Variants in ABCC4 observed in about 807,000 individuals in gnomAD.
The protein encoded by ABCC4 is ATP-binding cassette sub-family C member 4.
A neutral mutation model predicts 168.5 loss-of-function variants in ABCC4; 102 were observed. That is an observed-to-expected ratio of 0.61 (90% CI 0.52 to 0.71). The LOEUF is 0.71. Ranked by LOEUF, ABCC4 falls within the 30% of genes least tolerant of loss-of-function variation. The pLI, the probability that ABCC4 is intolerant of heterozygous loss-of-function variation, is 0.00. For synonymous variants in ABCC4, 617 were observed against 590.7 expected (o/e 1.04, Z -0.65); for missense variants, 1,402 against 1,605.8 (o/e 0.87, Z 2.17).
At chr13:95,051,544 T>A (rs897646353) in intron 27 of ABCC4, among the ~76,000 whole-genome samples, 1 of 152,160 alleles carries the variant, frequency 6.6e-6, no homozygotes, top group Non-Finnish European at 1.5e-5. Context: ...AATTCTTTTT[T>A]TTTTTTTATT....
intron 1 of ABCC4, 126 bp from the exon 2 acceptor site, chr13:95,247,879 T>C (rs2040149272): frequency 1.7e-6 from 1 of 602,844 alleles, no homozygotes; most frequent in Non-Finnish European, 2.9e-6. Context: ...GACAGACAGA[T>C]ATGAATATAT....
At chr13:95,081,563 C>T (rs2034096932) in intron 21 of ABCC4, among the ~76,000 whole-genome samples, 1 of 152,196 alleles carries the variant, frequency 6.6e-6, no homozygotes, top group Non-Finnish European at 1.5e-5. Context: ...GACTCCACTG[C>T]TCGGCCTGCC....
At chr13:95,032,965 CTTTTT>C (rs74329595) in intron 30 of ABCC4, among the ~76,000 whole-genome samples, 1 of 86,238 alleles carries the variant, frequency 1.2e-5, no homozygotes, top group Non-Finnish European at 2.2e-5. Flanking sequence ...CACGCCTGGT[CTTTTT>C]TTTTTTTTTT....
chr13:95,211,866 A>G (rs951760709), intron 4 of ABCC4, among the ~76,000 whole-genome samples: 4 of 152,100 alleles, frequency 2.6e-5, no homozygotes, highest in Admixed American at 6.6e-5. Context: ...AGGGCCAGAT[A>G]GAAGTGAAAA....
At chr13:95,223,028 A>T (rs2039349330) in intron 4 of ABCC4, among the ~76,000 whole-genome samples, 1 of 152,156 alleles carries the variant, frequency 6.6e-6, no homozygotes, top group Admixed American at 6.5e-5. Context: ...CCCAAGAAAA[A>T]ACAAGCACTA....
intron 4 of ABCC4, among the ~76,000 whole-genome samples, chr13:95,224,031 A>C (rs2039382484): frequency 6.6e-6 from 1 of 152,156 alleles, no homozygotes; most frequent in African/African-American, 2.4e-5. Flanking sequence ...GTCAAAAAAA[A>C]CTTAAGATAT....
At chr13:95,091,623 C>T (rs1729774) in intron 20 of ABCC4, among the ~76,000 whole-genome samples, 1,850 of 152,242 alleles carry the variant, frequency 0.012, 36 homozygotes, top group African/African-American at 0.041. Context: ...ACCAAACCAC[C>T]ACTGTAAGAA....
intron 27 of ABCC4, among the ~76,000 whole-genome samples, chr13:95,045,752 T>G (rs1593999851): frequency 6.6e-6 from 1 of 151,948 alleles, no homozygotes; most frequent in African/African-American, 2.4e-5. Flanking sequence ...CATCTCCAAT[T>G]AAGAGATCAG....
chr13:95,078,195 C>A (rs1193051898), intron 21 of ABCC4, among the ~76,000 whole-genome samples: 1 of 152,118 alleles, frequency 6.6e-6, no homozygotes, highest in African/African-American at 2.4e-5. Context: ...GAGCCTCCCA[C>A]GAGTCCACAG....
At chr13:95,120,599 T>C (rs2035536217) in intron 19 of ABCC4, among the ~76,000 whole-genome samples, 1 of 148,904 alleles carries the variant, frequency 6.7e-6, no homozygotes, top group Non-Finnish European at 1.5e-5. Flanking sequence ...GAATTGGCCT[T>C]AGATATTCCT....
At chr13:95,288,260 A>G (rs1156963418) in intron 1 of ABCC4, among the ~76,000 whole-genome samples, 13 of 152,084 alleles carry the variant, frequency 8.5e-5, no homozygotes, top group Non-Finnish European at 1.5e-5. Context: ...CTAGCTTCTC[A>G]CTTGGTCCTA....
intron 19 of ABCC4, among the ~76,000 whole-genome samples, chr13:95,137,997 G>A (rs899948537): frequency 4.6e-5 from 7 of 152,030 alleles, no homozygotes; most frequent in African/African-American, 1.2e-4. Flanking sequence ...GCGGTGGGGC[G>A]GGGGGAACCA....
chr13:95,253,294 G>A (rs768075289), intron 1 of ABCC4, among the ~76,000 whole-genome samples: 8 of 152,100 alleles, frequency 5.3e-5, no homozygotes, highest in Non-Finnish European at 1.0e-4. Flanking sequence ...AGCATCTGTC[G>A]CCATTTGAAA....
intron 1 of ABCC4, among the ~76,000 whole-genome samples, chr13:95,256,635 G>A (rs953066839): frequency 2.0e-5 from 3 of 152,120 alleles, no homozygotes. Context: ...GCAGGCACCT[G>A]TAGTCCCAGC....
intron 21 of ABCC4, among the ~76,000 whole-genome samples, chr13:95,080,008 C>T (rs1425979136): frequency 6.6e-6 from 1 of 152,208 alleles, no homozygotes; most frequent in East Asian, 1.9e-4. Context: ...GGTTCTCATG[C>T]ATCCTGAGGG....
chr13:95,186,225 TATTACAGATAAAATACA>T (rs72577693), intron 11 of ABCC4, among the ~76,000 whole-genome samples: 13,899 of 150,736 alleles, frequency 0.092, 663 homozygotes, highest in African/African-American at 0.11. Context: ...AGTAATAAGG[TATTACAGATAAAATACA>T]ATTACAGATA....
chr13:95,136,405 T>A (rs1469211136), intron 19 of ABCC4, among the ~76,000 whole-genome samples: 1 of 152,292 alleles, frequency 6.6e-6, no homozygotes, highest in South Asian at 2.1e-4. Context: ...TCCACCCACC[T>A]TGGCCTCCCA....
intron 25 of ABCC4, among the ~76,000 whole-genome samples, chr13:95,070,023 A>T (rs2033673521): frequency 6.6e-6 from 1 of 152,098 alleles, no homozygotes; most frequent in Admixed American, 6.6e-5. Context: ...TGGGCGGATC[A>T]CTTTAGCTCA....
At chr13:95,159,093 TTATATATA>T (rs554884258) in intron 19 of ABCC4, among the ~76,000 whole-genome samples, 8,326 of 60,974 alleles carry the variant, frequency 0.14, 559 homozygotes, top group South Asian at 0.24. Flanking sequence ...TAAATAAATT[TTATATATA>T]TATATATATA....
Sources: gnomAD v4.1 joint callset for allele counts (sites outside exome capture counted in the v4.1 genomes callset) on GRCh38, gnomAD v4.1.1 for gene constraint, MANE v1.5 for transcripts, NCBI Gene and HGNC (gene_info 2026-07-23, HGNC 2026-07-21) for gene names.